TMPRSS11E: variants seen among roughly 807,000 people sequenced by gnomAD.
TMPRSS11E encodes the protein transmembrane protease serine 11E.
TMPRSS11E carries 38 observed loss-of-function variants against 48.1 expected under a neutral mutation model. That is an observed-to-expected ratio of 0.79 (90% CI 0.61 to 1.04). The LOEUF is 1.04. Ranked by LOEUF, TMPRSS11E falls within the 50% of genes least tolerant of loss-of-function variation. TMPRSS11E has a pLI of 0.00. For synonymous variants in TMPRSS11E, 158 were observed against 171.9 expected, an observed-to-expected ratio of 0.92 and a Z score of 0.63; for missense variants, 530 against 510.8, an observed-to-expected ratio of 1.04 and a Z score of -0.36.
chr4:68,464,611 G>A (rs954428091), intron 2 of TMPRSS11E, among the ~76,000 whole-genome samples: 1 of 152,134 alleles, frequency 6.6e-6, no homozygotes, highest in African/African-American at 2.4e-5. Flanking sequence ...GCATGCTTAA[G>A]TCTACAGGGT....
chr4:68,495,501 G>A (rs558330190), intron 9 of TMPRSS11E, among the ~76,000 whole-genome samples: 25 of 152,202 alleles, frequency 1.6e-4, no homozygotes, highest in Middle Eastern at 3.4e-3. Flanking sequence ...TAGAGGACAA[G>A]ATCCATGTGT....
Position 68,468,894 on chromosome 4 carries a change from T to A in TMPRSS11E, c.274T>A (p.Tyr92Asn). Reference protein sequence around the residue: ...RLESMVKNAFYKSPLREEFVK... With the variant: ...RLESMVKNAFNKSPLREEFVK... The stretch of plus-strand genomic sequence containing the variant: ...TTACAAACAGGTGAAAAATGCATTT[T>A]ATAAATCTCCATTAAGGGAAGAATT... Residue 92 changes from tyrosine (Y) to asparagine (N), a missense_variant, in exon 4 of 10, where the codon TAT (tyrosine) becomes AAT (asparagine). Tyr to Asn is a moderately radical substitution (Grantham distance 143). Transcript: ENST00000305363. The A allele has an allele frequency of 1.9e-6, 3 of 1,609,172 alleles. No homozygotes were observed. The highest frequency in any genetic ancestry group is 2.6e-6 in the Non-Finnish European group (3 of 1,175,780).
intron 9 of TMPRSS11E, 115 bp downstream of exon 9, chr4:68,479,106 C>G: frequency 8.5e-7 from 1 of 1,176,496 alleles, no homozygotes; most frequent in Non-Finnish European, 1.2e-6. Flanking sequence ...AACATCTCAC[C>G]CAGTTTTCTC....
intron 9 of TMPRSS11E, among the ~76,000 whole-genome samples, chr4:68,490,357 T>A (rs925471619): frequency 7.2e-6 from 1 of 139,462 alleles, no homozygotes; most frequent in Non-Finnish European, 1.7e-5. Flanking sequence ...AATAATAATT[T>A]GAAAAAATTA....
chr4:68,472,006 T>C (rs938726689), intron 5 of TMPRSS11E, among the ~76,000 whole-genome samples: 2 of 151,984 alleles, frequency 1.3e-5, no homozygotes, highest in African/African-American at 4.8e-5. Context: ...CAAATGTCAT[T>C]AATATACCTT....
intron 5 of TMPRSS11E, among the ~76,000 whole-genome samples, chr4:68,473,309 C>T (rs543827536): frequency 1.3e-5 from 2 of 152,164 alleles, no homozygotes; most frequent in African/African-American, 4.8e-5. Flanking sequence ...ATGCTATTGT[C>T]TTTTCTATGG....
intron 1 of TMPRSS11E, among the ~76,000 whole-genome samples, chr4:68,456,035 T>G (rs1243603244): frequency 7.9e-5 from 12 of 151,946 alleles, no homozygotes; most frequent in Non-Finnish European, 1.8e-4. Flanking sequence ...AATATCAGTT[T>G]GTAGTCACCT....
intron 1 of TMPRSS11E, among the ~76,000 whole-genome samples, chr4:68,452,450 T>C (rs1728523341): frequency 6.6e-6 from 1 of 151,980 alleles, no homozygotes; most frequent in African/African-American, 2.4e-5. Context: ...TTTGGTACTT[T>C]ACAACACTGA....
At chr4:68,484,642 T>A (rs995750413) in intron 9 of TMPRSS11E, among the ~76,000 whole-genome samples, 8 of 152,162 alleles carry the variant, frequency 5.3e-5, no homozygotes, top group Non-Finnish European at 8.8e-5. Context: ...TGTTTTTAAT[T>A]CTCATTGTAG....
intron 6 of TMPRSS11E, 72 bp downstream of exon 6, chr4:68,474,833 T>G (rs1729167430): frequency 1.6e-6 from 2 of 1,283,332 alleles, no homozygotes; most frequent in South Asian, 2.7e-5. Flanking sequence ...CATTTAGGTT[T>G]ACTTTGTGTT....
chr4:68,478,451 CTTT>C (rs377068765), intron 8 of TMPRSS11E, among the ~76,000 whole-genome samples: 13 of 73,636 alleles, frequency 1.8e-4, no homozygotes, highest in African/African-American at 2.2e-4. Context: ...GTATCCCCCG[CTTT>C]TTTTTTTTTT....
intron 1 of TMPRSS11E, among the ~76,000 whole-genome samples, chr4:68,461,195 T>G (rs1728781287): frequency 6.6e-6 from 1 of 152,166 alleles, no homozygotes; most frequent in Non-Finnish European, 1.5e-5. Context: ...GTAGCATCAT[T>G]AAAGCTTAAA....
intron 9 of TMPRSS11E, among the ~76,000 whole-genome samples, chr4:68,486,359 C>T (rs944832423): frequency 1.1e-4 from 16 of 152,184 alleles, no homozygotes; most frequent in Non-Finnish European, 1.8e-4. Flanking sequence ...TCATTAATTT[C>T]AAAGAATTTC....
At chr4:68,472,075 T>C (rs1418701460) in intron 5 of TMPRSS11E, among the ~76,000 whole-genome samples, 1 of 152,004 alleles carries the variant, frequency 6.6e-6, no homozygotes, top group Non-Finnish European at 1.5e-5. Flanking sequence ...AACTTATTTT[T>C]GGTATATTTA....
chr4:68,469,763 T>C (rs371000004), intron 4 of TMPRSS11E, among the ~76,000 whole-genome samples: 2 of 152,052 alleles, frequency 1.3e-5, no homozygotes, highest in South Asian at 2.1e-4. Flanking sequence ...GTCTGAACTA[T>C]TTTTCTGATT....
At chr4:68,460,995 C>T (rs1578133994) in intron 1 of TMPRSS11E, among the ~76,000 whole-genome samples, 1 of 152,080 alleles carries the variant, frequency 6.6e-6, no homozygotes, top group South Asian at 2.1e-4. Flanking sequence ...ATTCTCCTGC[C>T]TCAGCCTCCA....
chr4:68,475,134 T>A (rs868031266), intron 6 of TMPRSS11E, among the ~76,000 whole-genome samples: 6 of 152,250 alleles, frequency 3.9e-5, no homozygotes, highest in Middle Eastern at 3.4e-3. Context: ...TGTCACTATA[T>A]CCTAGATAAA....
At chr4:68,485,305 C>A (rs1729521769) in intron 9 of TMPRSS11E, among the ~76,000 whole-genome samples, 2 of 152,020 alleles carry the variant, frequency 1.3e-5, no homozygotes, top group South Asian at 4.2e-4. Flanking sequence ...AACCACCATG[C>A]CTGGCTAATT....
chr4:68,492,730 G>A (rs1729764770), intron 9 of TMPRSS11E, among the ~76,000 whole-genome samples: 2 of 152,164 alleles, frequency 1.3e-5, no homozygotes, highest in Admixed American at 1.3e-4. Flanking sequence ...TGACAAAAAT[G>A]TGACCAGAGT....
Sources: gnomAD v4.1 joint callset for allele counts (sites outside exome capture counted in the v4.1 genomes callset) on GRCh38, gnomAD v4.1.1 for gene constraint, MANE v1.5 for transcripts, NCBI Gene and HGNC (gene_info 2026-07-23, HGNC 2026-07-21) for gene names.